The following SLC35D4 variants were observed in gnomAD, a reference collection of about 807,000 sequenced individuals.
The protein encoded by SLC35D4 is UDP-N-acetylglucosamine transporter SLC35D4.
the SLC35D4 span, among the ~76,000 whole-genome samples, chr18:23,246,226 T>A: frequency 6.7e-6 from 1 of 149,568 alleles, no homozygotes; most frequent in South Asian, 2.1e-4. Flanking sequence ...ATCACACCAC[T>A]GCACACTCCA....
chr18:23,318,397 C>G, the SLC35D4 span, among the ~76,000 whole-genome samples: 4 of 152,180 alleles, frequency 2.6e-5, no homozygotes, highest in Non-Finnish European at 5.9e-5. Flanking sequence ...GTGTCCTTTG[C>G]AGCTCAACAG....
chr18:23,411,497 G>GAAAGAAAGAA, the SLC35D4 span, among the ~76,000 whole-genome samples: 1 of 137,142 alleles, frequency 7.3e-6, no homozygotes, highest in Admixed American at 7.3e-5. Context: ...AAGAAAGAAA[G>GAAAGAAAGAA]AAAGAAAGAA....
At chr18:23,376,667 AGTGAAAG>A in the SLC35D4 span, among the ~76,000 whole-genome samples, 1 of 152,218 alleles carries the variant, frequency 6.6e-6, no homozygotes, top group Non-Finnish European at 1.5e-5. Context: ...GTCTACCTAC[AGTGAAAG>A]GCTTTATAGA....
chr18:23,371,926 G>GTTTTTTTTGT, the SLC35D4 span, among the ~76,000 whole-genome samples: 20 of 11,862 alleles, frequency 1.7e-3, 1 homozygote, highest in African/African-American at 5.1e-3. Context: ...TTTCTTCCTT[G>GTTTTTTTTGT]TTTTTTTTGT....
At chr18:23,307,870 G>C in the SLC35D4 span, among the ~76,000 whole-genome samples, 2 of 152,086 alleles carry the variant, frequency 1.3e-5, no homozygotes, top group African/African-American at 4.8e-5. Context: ...CCCTGCCTCA[G>C]CCATCCTTCT....
chr18:23,404,617 G>A, the SLC35D4 span, among the ~76,000 whole-genome samples: 1 of 149,672 alleles, frequency 6.7e-6, no homozygotes, highest in Non-Finnish European at 1.5e-5. Context: ...GCGGCGGGCC[G>A]AGTAGAGGTT....
the SLC35D4 span, chr18:23,253,596 A>G: frequency 2.7e-6 from 2 of 735,178 alleles, no homozygotes; most frequent in Non-Finnish European, 4.5e-6. Context: ...TCACACTCCC[A>G]GGGACTTAAT....
chr18:23,397,522 T>C, the SLC35D4 span, among the ~76,000 whole-genome samples: 2 of 152,270 alleles, frequency 1.3e-5, no homozygotes, highest in African/African-American at 4.8e-5. Flanking sequence ...GGATTCTGAG[T>C]GTAATACTGG....
chr18:23,375,149 T>TA, the SLC35D4 span, among the ~76,000 whole-genome samples: 29 of 150,284 alleles, frequency 1.9e-4, no homozygotes, highest in African/African-American at 6.8e-4. Context: ...AATAAATAAA[T>TA]AATAATAATA....
chr18:23,374,485 CTTTTT>C, the SLC35D4 span, among the ~76,000 whole-genome samples: 1 of 139,382 alleles, frequency 7.2e-6, no homozygotes. Flanking sequence ...GATATGACAT[CTTTTT>C]TTTTTTTTTT....
At chr18:23,374,322 T>C in the SLC35D4 span, among the ~76,000 whole-genome samples, 7 of 152,160 alleles carry the variant, frequency 4.6e-5, no homozygotes, top group South Asian at 1.5e-3. Context: ...CTGCCAAACA[T>C]GCAGAGCGTG....
chr18:23,436,980 C>T, the SLC35D4 span, among the ~76,000 whole-genome samples: 1 of 151,966 alleles, frequency 6.6e-6, no homozygotes, highest in Non-Finnish European at 1.5e-5. Flanking sequence ...CGCAGTAAGA[C>T]CCCACAGTGG....
chr18:23,437,744 C>T, the SLC35D4 span: 1 of 1,598,312 alleles, frequency 6.3e-7, no homozygotes, highest in Non-Finnish European at 8.5e-7. Context: ...TCAAACCTCC[C>T]ACGTGCAATC....
At chr18:23,371,945 T>TGTTTTTTTTTTTG in the SLC35D4 span, among the ~76,000 whole-genome samples, 82 of 73,326 alleles carry the variant, frequency 1.1e-3, 2 homozygotes, top group East Asian at 3.8e-3. Context: ...GTTTTTTTTT[T>TGTTTTTTTTTTTG]TTTTTTTTGA....
the SLC35D4 span, among the ~76,000 whole-genome samples, chr18:23,289,609 C>A: frequency 1.3e-5 from 2 of 152,298 alleles, no homozygotes; most frequent in East Asian, 3.9e-4. Flanking sequence ...CACTTTACCA[C>A]TATTTCATTT....
At chr18:23,266,304 G>T in the SLC35D4 span, among the ~76,000 whole-genome samples, 1 of 149,688 alleles carries the variant, frequency 6.7e-6, no homozygotes, top group African/African-American at 2.5e-5. Flanking sequence ...AGGGACTCTG[G>T]AAGATGGCAC....
At chr18:23,365,152 T>TTGGTA in the SLC35D4 span, among the ~76,000 whole-genome samples, 1 of 152,098 alleles carries the variant, frequency 6.6e-6, no homozygotes, top group African/African-American at 2.4e-5. Flanking sequence ...GGATTTGGGG[T>TTGGTA]ACCATAGCAG....
chr18:23,271,980 T>C, the SLC35D4 span, among the ~76,000 whole-genome samples: 1 of 152,212 alleles, frequency 6.6e-6, no homozygotes, highest in Non-Finnish European at 1.5e-5. Context: ...CTGGATCCTT[T>C]GCCGTATCCC....
chr18:23,410,246 C>T, the SLC35D4 span, among the ~76,000 whole-genome samples: 8 of 149,512 alleles, frequency 5.4e-5, no homozygotes, highest in African/African-American at 9.8e-5. Context: ...TTTGGGAGGC[C>T]GAGGTGGGCG....
Sources: allele counts gnomAD v4.1 joint callset (sites outside exome capture counted in the v4.1 genomes callset), GRCh38; gene constraint gnomAD v4.1.1; transcripts MANE v1.5; gene names NCBI Gene and HGNC (gene_info 2026-07-23, HGNC 2026-07-21).